KCNMB2: variants seen among roughly 807,000 people sequenced by gnomAD.
KCNMB2 encodes calcium-activated potassium channel subunit beta-2.
Under a neutral mutation model 24.5 loss-of-function variants are expected in KCNMB2, and 9 were observed. That is an observed-to-expected ratio of 0.37 (90% CI 0.22 to 0.64). The LOEUF is 0.64. KCNMB2 is among the 30% of genes least tolerant of loss of function. KCNMB2 has a pLI of 0.63. For missense variants in KCNMB2, 226 were observed against 284.3 expected, an observed-to-expected ratio of 0.79 and a Z score of 1.47; for synonymous variants, 109 against 104.4, an observed-to-expected ratio of 1.04 and a Z score of -0.27.
chr3:178,589,131 C>T lies in KCNMB2; in HGVS notation c.-68+52420C>T, dbSNP rs186668716. On this transcript the variant is annotated intron_variant, in intron 1 of 4. Transcript: ENST00000452583. ...TATCTAAATAGAAAATTACCTAAAACATACAATCCTTATCAAATAAATGTA... is the reference window on the plus strand; with the variant it reads ...TATCTAAATAGAAAATTACCTAAAATATACAATCCTTATCAAATAAATGTA... Among the ~76,000 whole-genome samples, 10 of 152,280 alleles carry T rather than the reference C, an allele frequency of 6.6e-5. No homozygotes were observed. In the East Asian group the frequency reaches 1.9e-3, roughly 29 times the overall value.
chr3:178,840,826 C>T (rs4414829), intron 4 of KCNMB2, among the ~76,000 whole-genome samples: 97,864 of 152,162 alleles, frequency 0.64, 33,414 homozygotes, highest in African/African-American at 0.87. Context: ...TACAAAAATC[C>T]CTGACATACC....
chr3:178,798,061 T>C (rs539272369), intron 1 of KCNMB2, among the ~76,000 whole-genome samples: 1 of 152,308 alleles, frequency 6.6e-6, no homozygotes, highest in African/African-American at 2.4e-5. Context: ...TTTCTAGATA[T>C]AGGATCATGT....
At chr3:178,698,140 C>T (rs1056572644) in intron 1 of KCNMB2, among the ~76,000 whole-genome samples, 2 of 152,100 alleles carry the variant, frequency 1.3e-5, no homozygotes, top group Admixed American at 6.5e-5. Flanking sequence ...TGAATGTTGG[C>T]TTGTCTAGCT....
intron 1 of KCNMB2, among the ~76,000 whole-genome samples, chr3:178,762,553 C>T (rs918470180): frequency 1.9e-4 from 29 of 152,014 alleles, no homozygotes; most frequent in African/African-American, 7.0e-4. Flanking sequence ...TTTAAAATGC[C>T]TCTCCATCTG....
intron 2 of KCNMB2, 33 bp from the exon 3 acceptor site, chr3:178,825,555 C>T: frequency 1.3e-6 from 2 of 1,576,594 alleles, no homozygotes; most frequent in South Asian, 1.1e-5. Context: ...ATTAACTAAA[C>T]TTAATGTAAG....
chr3:178,799,385 A>G (rs1449961532), intron 1 of KCNMB2, among the ~76,000 whole-genome samples: 2 of 152,196 alleles, frequency 1.3e-5, no homozygotes, highest in Non-Finnish European at 2.9e-5. Context: ...ATATGCCAAC[A>G]GCAAACAATC....
intron 1 of KCNMB2, among the ~76,000 whole-genome samples, chr3:178,640,856 A>AT (rs924423482): frequency 1.1e-4 from 17 of 151,496 alleles, no homozygotes; most frequent in African/African-American, 2.7e-4. Flanking sequence ...TTTCAGTTAA[A>AT]TTTTTTTTTA....
At chr3:178,654,470 T>C (rs1347844059) in intron 1 of KCNMB2, among the ~76,000 whole-genome samples, 1 of 151,968 alleles carries the variant, frequency 6.6e-6, no homozygotes, top group Non-Finnish European at 1.5e-5. Flanking sequence ...AAAGGATAAA[T>C]AGAGCAAACC....
chr3:178,691,823 G>T (rs1560169007), intron 1 of KCNMB2, among the ~76,000 whole-genome samples: 1 of 152,270 alleles, frequency 6.6e-6, no homozygotes, highest in East Asian at 1.9e-4. Context: ...TTGAGGAATT[G>T]CCACACTATC....
chr3:178,626,038 C>A (rs1442015673), intron 1 of KCNMB2, among the ~76,000 whole-genome samples: 1 of 152,100 alleles, frequency 6.6e-6, no homozygotes, highest in Non-Finnish European at 1.5e-5. Context: ...TAATGAGCAC[C>A]CAGCTGAAGG....
intron 1 of KCNMB2, among the ~76,000 whole-genome samples, chr3:178,683,647 A>G (rs942144426): frequency 3.5e-4 from 53 of 152,190 alleles, no homozygotes; most frequent in African/African-American, 1.3e-3. Context: ...CTCAGTGGCC[A>G]TATGTACCTA....
At chr3:178,706,235 G>A (rs548551300) in intron 1 of KCNMB2, among the ~76,000 whole-genome samples, 69 of 152,196 alleles carry the variant, frequency 4.5e-4, no homozygotes, top group African/African-American at 1.6e-3. Flanking sequence ...TGAAGAATCC[G>A]TGTTTCTATT....
At chr3:178,613,230 T>G (rs1256854162) in intron 1 of KCNMB2, among the ~76,000 whole-genome samples, 3 of 152,138 alleles carry the variant, frequency 2.0e-5, no homozygotes, top group Admixed American at 2.0e-4. Flanking sequence ...AAACCCCATC[T>G]CTACTAAAAA....
intron 1 of KCNMB2, among the ~76,000 whole-genome samples, chr3:178,621,721 T>C (rs762564683): frequency 2.0e-5 from 3 of 152,076 alleles, no homozygotes; most frequent in Non-Finnish European, 4.4e-5. Context: ...GATTATCTCC[T>C]TTTATCCAAA....
chr3:178,843,052 T>C lies in KCNMB2; in HGVS notation c.*115T>C. The C allele has an allele frequency of 1.2e-6, 1 of 808,972 alleles. No homozygotes were observed. The highest frequency in any genetic ancestry group is 2.5e-5 in the Admixed American group (1 of 39,600). The allele number at this position is 808,972 out of a possible 1,614,324, so 50.1% of individuals were successfully genotyped here. ...GTCTGTTATGAGTTCCCTAATATAT[T>C]CTTATATGTAGAGCAATAATGCAAA... On this transcript the variant is annotated 3_prime_UTR_variant, in exon 5 of 5. Transcript: ENST00000452583.
chr3:178,674,594 C>A (rs763355249), intron 1 of KCNMB2, among the ~76,000 whole-genome samples: 9 of 152,148 alleles, frequency 5.9e-5, no homozygotes, highest in Non-Finnish European at 1.2e-4. Context: ...TCTCTCACAT[C>A]AATTATCTCA....
intron 1 of KCNMB2, among the ~76,000 whole-genome samples, chr3:178,615,648 C>G (rs12490997): frequency 6.6e-6 from 1 of 151,972 alleles, no homozygotes; most frequent in Non-Finnish European, 1.5e-5. Context: ...TGCTGCCTGG[C>G]CTGGGACTCA....
chr3:178,580,555 T>C (rs774556380), intron 1 of KCNMB2, among the ~76,000 whole-genome samples: 1 of 151,932 alleles, frequency 6.6e-6, no homozygotes, highest in African/African-American at 2.4e-5. Flanking sequence ...GGTATTCAAA[T>C]AGGAAGAGAG....
At chr3:178,665,963 C>A (rs1227613668) in intron 1 of KCNMB2, among the ~76,000 whole-genome samples, 1 of 152,122 alleles carries the variant, frequency 6.6e-6, no homozygotes, top group Non-Finnish European at 1.5e-5. Context: ...TATTACGCCT[C>A]CAGCTAATGC....
Sources: gnomAD v4.1 joint callset for allele counts (sites outside exome capture counted in the v4.1 genomes callset) on GRCh38, gnomAD v4.1.1 for gene constraint, MANE v1.5 for transcripts, NCBI Gene and HGNC (gene_info 2026-07-23, HGNC 2026-07-21) for gene names.